The following MIA2 variants were observed in gnomAD, a reference collection of about 807,000 sequenced individuals.
The protein encoded by MIA2 is MIA SH3 domain ER export factor 2.
A neutral mutation model predicts 167.8 loss-of-function variants in MIA2; 127 were observed. The ratio of observed to expected loss-of-function variants is 0.76; its 90% CI spans 0.66 to 0.88. The LOEUF (loss-of-function observed/expected upper bound fraction) is 0.88, where lower values mean the gene tolerates loss of function less well. Among genes scored for constraint, MIA2 ranks in the 40% least tolerant of loss-of-function variants. MIA2 has a pLI of 0.00. For missense variants in MIA2, 1,690 were observed against 1,624.7 expected (o/e 1.04, Z -0.69); for synonymous variants, 552 against 541.9 (o/e 1.02, Z -0.26).
intron 25 of MIA2, among the ~76,000 whole-genome samples, chr14:39,337,568 T>A (rs1041739651): frequency 1.3e-5 from 2 of 152,166 alleles, no homozygotes; most frequent in African/African-American, 2.4e-5. Flanking sequence ...TTAAAAGAAG[T>A]GAAATAATAT....
intron 17 of MIA2, among the ~76,000 whole-genome samples, chr14:39,305,081 C>G (rs1217349986): frequency 6.6e-6 from 1 of 152,098 alleles, no homozygotes; most frequent in Non-Finnish European, 1.5e-5. Context: ...TTTTTATATT[C>G]TTTTTACTTA....
At chr14:39,360,399 G>A (rs1344895536) in intron 23 of MIA2, among the ~76,000 whole-genome samples, 2 of 151,766 alleles carry the variant, frequency 1.3e-5, no homozygotes, top group Non-Finnish European at 2.9e-5. Context: ...TATACCTGTT[G>A]GCCATTTGTA....
chr14:39,293,068 C>T (rs894369075), intron 10 of MIA2, among the ~76,000 whole-genome samples: 4 of 152,136 alleles, frequency 2.6e-5, no homozygotes, highest in African/African-American at 4.8e-5. Context: ...GCATGGCCTA[C>T]GAGCCTAAAA....
chr14:39,267,327 G>T (rs1594779684), intron 6 of MIA2: 5 of 1,526,552 alleles, frequency 3.3e-6, no homozygotes, highest in East Asian at 4.8e-5. Flanking sequence ...CCCGCAGCCG[G>T]CTCCGCAGTG....
intron 6 of MIA2, among the ~76,000 whole-genome samples, chr14:39,262,311 A>T (rs1190467391): frequency 6.6e-6 from 1 of 152,186 alleles, no homozygotes; most frequent in Non-Finnish European, 1.5e-5. Flanking sequence ...GGTTTGTCAA[A>T]GATCGGATGG....
intron 6 of MIA2, among the ~76,000 whole-genome samples, chr14:39,271,329 A>G (rs965495718): frequency 6.6e-6 from 1 of 152,130 alleles, no homozygotes; most frequent in South Asian, 2.1e-4. Context: ...GTCTGTCCCT[A>G]TGCCATTACT....
At chr14:39,249,700 A>G (rs1883710355) in intron 4 of MIA2, among the ~76,000 whole-genome samples, 1 of 152,194 alleles carries the variant, frequency 6.6e-6, no homozygotes, top group African/African-American at 2.4e-5. Flanking sequence ...TTTAAGTAGA[A>G]AACTTTATGA....
At chr14:39,376,659 A>C (rs1349271289) in intron 23 of MIA2, among the ~76,000 whole-genome samples, 1 of 152,226 alleles carries the variant, frequency 6.6e-6, no homozygotes, top group Non-Finnish European at 1.5e-5. Context: ...ATCAGTTTAG[A>C]AGTTTATTGT....
chr14:39,262,035 T>C (rs1291035842), intron 6 of MIA2, among the ~76,000 whole-genome samples: 2 of 152,212 alleles, frequency 1.3e-5, no homozygotes, highest in Non-Finnish European at 2.9e-5. Flanking sequence ...TTGCCATTGC[T>C]TTTGTTGTTT....
intron 14 of MIA2, among the ~76,000 whole-genome samples, chr14:39,300,991 C>CATATATAT (rs2062365584): frequency 1.4e-5 from 2 of 147,314 alleles, no homozygotes; most frequent in Non-Finnish European, 3.0e-5. Flanking sequence ...TACATATATA[C>CATATATAT]ACATATATAC....
At chr14:39,272,316 C>A (rs1370637834) in intron 6 of MIA2, among the ~76,000 whole-genome samples, 1 of 152,088 alleles carries the variant, frequency 6.6e-6, no homozygotes, top group African/African-American at 2.4e-5. Context: ...TGCGCCATTG[C>A]ACTCCATCCT....
At chr14:39,288,451 A>AT (rs1566746956) in intron 9 of MIA2, among the ~76,000 whole-genome samples, 695 of 8,776 alleles carry the variant, frequency 0.079, 129 homozygotes, top group Non-Finnish European at 0.099. Flanking sequence ...ATATATATAT[A>AT]TATATATATA....
At chr14:39,325,777 G>A (rs1000126599) in intron 24 of MIA2, among the ~76,000 whole-genome samples, 6 of 150,442 alleles carry the variant, frequency 4.0e-5, no homozygotes, top group South Asian at 2.1e-4. Context: ...GCAGTGGCAC[G>A]ATCTTGGCTC....
In MIA2 at chr14:39,271,412, G is replaced by A. The variant is rs75592572; in HGVS notation, c.1888-5522G>A. 9.7e-3 allele frequency among the ~76,000 whole-genome samples: 1,484 copies of A among 152,222 alleles called. 10 individuals carry two copies. The highest frequency in any genetic ancestry group is 0.014 in the Non-Finnish European group (939 of 68,022). ...CTTTGTAGTAAGATACAGTAGGGAA[G>A]TATGAGTCCCCCAGCGTTGTTTTTG... is the stretch of plus-strand genomic sequence containing the variant. On this transcript the variant is annotated intron_variant, in intron 6 of 28. Transcript: ENST00000640607.
rs564317814 is a variant in MIA2, at chr14:39,236,832, T to C, written c.116-90T>C. The C allele has an allele frequency of 1.1e-4, 140 of 1,230,072 alleles. No individual in the cohort carries two copies. The South Asian group carries it at 1.9e-3, about 17-fold the overall frequency. 76.2% of individuals were successfully genotyped at this position (1,230,072 alleles called of 1,614,324 possible). A position where few individuals can be genotyped will look rare whatever the true frequency, so the allele number is the denominator to read the frequency against. On this transcript the variant is annotated intron_variant, in intron 1 of 28. Coordinates refer to ENST00000640607, the MANE Select transcript of MIA2 (RefSeq NM_001329214.4). ...ATAAAGAAATTAGCATTTGGAAACA[T>C]ATAGGATGGATTGAGGGACAGCAAG... is the stretch of plus-strand genomic sequence containing the variant.
Position 39,336,759 on chromosome 14 carries a change from T to C in MIA2, c.3656-9145T>C, listed in dbSNP as rs1188713503. 4.6e-5 allele frequency among the ~76,000 whole-genome samples: 7 copies of C among 152,294 alleles called. No individual in the cohort carries two copies. In the South Asian group the frequency reaches 6.2e-4, roughly 14 times the overall value. On this transcript the variant is annotated intron_variant, in intron 25 of 28. Coordinates refer to ENST00000640607, the MANE Select transcript of MIA2 (RefSeq NM_001329214.4). Reference sequence around the variant, plus strand: ...GATTTTAAAAATTTATTAAAAAATTTTTTTAGAGACAGGTTCTCACTTTGT... The same window carrying C: ...GATTTTAAAAATTTATTAAAAAATTCTTTTAGAGACAGGTTCTCACTTTGT...
At chr14:39,313,763 C>T (rs563151469) in intron 19 of MIA2, among the ~76,000 whole-genome samples, 2 of 152,046 alleles carry the variant, frequency 1.3e-5, no homozygotes, top group Admixed American at 6.6e-5. Flanking sequence ...GGTCCTTCCT[C>T]ATTGGTTCAA....
Position 39,302,129 on chromosome 14 carries a change from A to C in MIA2, c.2620A>C (p.Thr874Pro), listed in dbSNP as rs2062617653. ...TTTTTCCCCTTTGTTCAATGTCAAG[A>C]CTCTGACTGAACGCTTGTTAAAGAT... ...VLNDKESHIK[T>P]LTERLLKMKD... The change falls in exon 15 of 29, where the codon ACT (threonine) becomes CCT (proline). Residue 874 changes from threonine to proline, a missense_variant and splice_region_variant. Thr to Pro is a conservative substitution (Grantham distance 38). Transcript: ENST00000640607. 6.2e-7 allele frequency: 1 copy of C among 1,613,236 alleles called. No homozygotes were observed. Among genetic ancestry groups the C allele is most frequent in the Non-Finnish European group, 8.5e-7 (1 of 1,179,474 alleles).
chr14:39,267,000 C>T, intron 6 of MIA2: 2 of 885,964 alleles, frequency 2.3e-6, no homozygotes, highest in Non-Finnish European at 2.7e-6. Context: ...ATCCTCTAGT[C>T]CCAAGCCTCT....
Sources: allele counts gnomAD v4.1 joint callset (sites outside exome capture counted in the v4.1 genomes callset), GRCh38; gene constraint gnomAD v4.1.1; transcripts MANE v1.5; gene names NCBI Gene and HGNC (gene_info 2026-07-23, HGNC 2026-07-21).